The following CNTNAP2 variants were observed in gnomAD, a reference collection of about 807,000 sequenced individuals.
The protein encoded by CNTNAP2 is contactin associated protein 2.
Under a neutral mutation model 155.2 loss-of-function variants are expected in CNTNAP2, and 98 were observed. The ratio of observed to expected loss-of-function variants is 0.63; its 90% CI spans 0.54 to 0.75. CNTNAP2 has a LOEUF of 0.75. Among genes scored for constraint, CNTNAP2 ranks in the 30% least tolerant of loss-of-function variants. The probability of loss-of-function intolerance (pLI) is 0.00; values close to 1 mark genes in which losing one functional copy is unlikely to be tolerated. For synonymous variants in CNTNAP2, 651 were observed against 631.2 expected (o/e 1.03, Z -0.47); for missense variants, 1,727 against 1,688.1 (o/e 1.02, Z -0.40).
chr7:147,085,361 C>T (rs1256699065), intron 4 of CNTNAP2, among the ~76,000 whole-genome samples: 1 of 152,150 alleles, frequency 6.6e-6, no homozygotes, highest in Admixed American at 6.5e-5. Context: ...ATGTTCCCAC[C>T]TGAGCTCTGC....
At chr7:146,410,109 C>G (rs1795845374) in intron 1 of CNTNAP2, among the ~76,000 whole-genome samples, 2 of 152,174 alleles carry the variant, frequency 1.3e-5, no homozygotes, top group South Asian at 4.1e-4. Context: ...CTACTCTGGA[C>G]TTTCCCGTAT....
At chr7:147,551,518 C>T (rs851815) in intron 11 of CNTNAP2, among the ~76,000 whole-genome samples, 108,914 of 152,080 alleles carry the variant, frequency 0.72, 39,449 homozygotes, top group African/African-American at 0.82. Context: ...GCAATGTAAG[C>T]CACATTTAGC....
intron 4 of CNTNAP2, among the ~76,000 whole-genome samples, chr7:147,091,101 C>T (rs969497975): frequency 1.4e-4 from 22 of 152,000 alleles, no homozygotes; most frequent in African/African-American, 5.1e-4. Flanking sequence ...GTAGTTGAAT[C>T]AATAGCATCA....
intron 16 of CNTNAP2, among the ~76,000 whole-genome samples, chr7:148,132,338 A>C (rs1005081910): frequency 1.3e-5 from 2 of 151,514 alleles, no homozygotes; most frequent in African/African-American, 2.4e-5. Context: ...CTTTAAAAAG[A>C]TGTTTCTATT....
intron 13 of CNTNAP2, among the ~76,000 whole-genome samples, chr7:147,810,837 CAA>C (rs1047358308): frequency 9.9e-5 from 15 of 152,250 alleles, no homozygotes; most frequent in African/African-American, 3.4e-4. Flanking sequence ...TAATCTCTAA[CAA>C]AGAATGACTG....
chr7:147,862,137 A>G (rs1436636670), intron 13 of CNTNAP2, among the ~76,000 whole-genome samples: 1 of 152,140 alleles, frequency 6.6e-6, no homozygotes, highest in African/African-American at 2.4e-5. Context: ...GGAAGCTTTG[A>G]AAACCGACCA....
At chr7:146,163,571 A>C (rs1346893981) in intron 1 of CNTNAP2, among the ~76,000 whole-genome samples, 6 of 98,968 alleles carry the variant, frequency 6.1e-5, no homozygotes, top group Non-Finnish European at 1.1e-4. Context: ...ATCTATCTAT[A>C]TCTATCTATC....
Position 148,354,205 on chromosome 7 carries a change from T to G in CNTNAP2, c.3476-29444T>G, listed in dbSNP as rs1798474280. ...TTTTTTTTTTTTTTTTTTTTTTTTT[T>G]GTAAACCAGAAAACAAGTCTGGTGT... On this transcript the variant is annotated intron_variant, in intron 21 of 23. Coordinates refer to ENST00000361727, the MANE Select transcript of CNTNAP2 (RefSeq NM_014141.6). 4.4e-5 allele frequency among the ~76,000 whole-genome samples: 4 copies of G among 91,944 alleles called. No homozygotes were observed. The South Asian group carries it at 1.6e-3, about 37-fold the overall frequency. The allele number at this position is 91,944 out of a possible 152,430, so 60.3% of individuals were successfully genotyped here.
chr7:146,170,679 G>A (rs1798376821), intron 1 of CNTNAP2, among the ~76,000 whole-genome samples: 2 of 152,066 alleles, frequency 1.3e-5, no homozygotes, highest in African/African-American at 4.8e-5. Flanking sequence ...GGCTTTTAGA[G>A]CTATGCAAAC....
chr7:146,932,758 T>A (rs973432750), intron 3 of CNTNAP2, among the ~76,000 whole-genome samples: 1 of 152,008 alleles, frequency 6.6e-6, no homozygotes, highest in Non-Finnish European at 1.5e-5. Context: ...ACAAAATCAA[T>A]GCACAAAAAT....
intron 1 of CNTNAP2, among the ~76,000 whole-genome samples, chr7:146,661,577 A>G (rs1800089182): frequency 1.7e-5 from 1 of 59,094 alleles, no homozygotes. Context: ...GATGCTCTTG[A>G]GACTGTAAGT....
chr7:148,077,654 C>T (rs961838522), intron 15 of CNTNAP2, among the ~76,000 whole-genome samples: 12 of 152,112 alleles, frequency 7.9e-5, no homozygotes, highest in Non-Finnish European at 1.3e-4. Context: ...TAAAACTATA[C>T]ACTCAAGACT....
chr7:146,320,897 T>C (rs1406384928), intron 1 of CNTNAP2, among the ~76,000 whole-genome samples: 1 of 151,868 alleles, frequency 6.6e-6, no homozygotes, highest in Non-Finnish European at 1.5e-5. Flanking sequence ...AACAATGAAA[T>C]AAATATTGAG....
intron 1 of CNTNAP2, among the ~76,000 whole-genome samples, chr7:146,737,707 C>A (rs940958057): frequency 6.6e-6 from 1 of 151,964 alleles, no homozygotes; most frequent in Non-Finnish European, 1.5e-5. Context: ...TGTATGCCTT[C>A]TTTTGAGAAA....
intron 1 of CNTNAP2, among the ~76,000 whole-genome samples, chr7:146,506,480 G>C (rs143929094): frequency 6.2e-4 from 95 of 152,316 alleles, no homozygotes; most frequent in African/African-American, 2.0e-3. Context: ...GCTACATCTC[G>C]TGTAGGTGCT....
chr7:147,630,316 T>TAA (rs71183024), intron 12 of CNTNAP2, among the ~76,000 whole-genome samples: 2,091 of 72,762 alleles, frequency 0.029, 61 homozygotes, highest in East Asian at 0.068. Flanking sequence ...GAAACAGTAG[T>TAA]AAAAAAAAAA....
intron 2 of CNTNAP2, among the ~76,000 whole-genome samples, chr7:146,796,917 A>C (rs1469111766): frequency 1.3e-5 from 2 of 152,104 alleles, no homozygotes; most frequent in Non-Finnish European, 2.9e-5. Flanking sequence ...CAGGCAGATC[A>C]CGAGGTCAGG....
chr7:146,400,777 T>A (rs1392956695), intron 1 of CNTNAP2, among the ~76,000 whole-genome samples: 1 of 152,140 alleles, frequency 6.6e-6, no homozygotes, highest in Non-Finnish European at 1.5e-5. Flanking sequence ...GAAAAATGAG[T>A]TAATGTTAAA....
chr7:147,392,809 G>A (rs539353161), intron 9 of CNTNAP2, among the ~76,000 whole-genome samples: 13 of 152,046 alleles, frequency 8.6e-5, no homozygotes, highest in African/African-American at 2.2e-4. Context: ...ATCAATCAAC[G>A]AGTGGATAAA....
Sources: gnomAD v4.1 joint callset for allele counts (sites outside exome capture counted in the v4.1 genomes callset) on GRCh38, gnomAD v4.1.1 for gene constraint, MANE v1.5 for transcripts, NCBI Gene and HGNC (gene_info 2026-07-23, HGNC 2026-07-21) for gene names.